The following CLDN14 variants were observed in gnomAD, a reference collection of about 807,000 sequenced individuals.
CLDN14 encodes claudin-14.
Under a neutral mutation model 2.1 loss-of-function variants are expected in CLDN14, and 2 were observed. The ratio of observed to expected loss-of-function variants is 0.96; its 90% CI spans 0.39 to 3.01. CLDN14 has a LOEUF of 3.01. Among genes scored for constraint, CLDN14 ranks in the 30% most tolerant of loss-of-function variants. The pLI is 0.09. For missense variants in CLDN14, 298 were observed against 328.0 expected (o/e 0.91, Z 0.71); for synonymous variants, 136 against 154.4 (o/e 0.88, Z 0.88).
At chr21:36,520,472 C>G (rs2087261433) in intron 1 of CLDN14, among the ~76,000 whole-genome samples, 1 of 152,174 alleles carries the variant, frequency 6.6e-6, no homozygotes, top group Admixed American at 6.5e-5. Context: ...AAATAAGTCT[C>G]AAAAGATCTG....
chr21:36,486,898 T>C, intron 2 of CLDN14: 1 of 655,132 alleles, frequency 1.5e-6, no homozygotes, highest in Non-Finnish European at 2.9e-6. Flanking sequence ...GCGGCCGGTG[T>C]CTAGAGTGAG....
chr21:36,472,656 G>GCA (rs2086724347), intron 1 of CLDN14, among the ~76,000 whole-genome samples: 1 of 152,178 alleles, frequency 6.6e-6, no homozygotes. Context: ...AAATACCACA[G>GCA]ACTTGCTGGA....
At chr21:36,540,596 G>A (rs533004189) in intron 1 of CLDN14, among the ~76,000 whole-genome samples, 198 of 152,242 alleles carry the variant, frequency 1.3e-3, no homozygotes, top group Non-Finnish European at 2.2e-3. Context: ...AGGACCAGGG[G>A]GGTTTGAGGA....
chr21:36,514,388 C>T (rs1477872840), intron 1 of CLDN14, among the ~76,000 whole-genome samples: 1 of 152,088 alleles, frequency 6.6e-6, no homozygotes, highest in Non-Finnish European at 1.5e-5. Context: ...GCCCCATGGC[C>T]GTGCTGTGGT....
chr21:36,491,932 T>C (rs2086969481), intron 2 of CLDN14, among the ~76,000 whole-genome samples: 2 of 152,154 alleles, frequency 1.3e-5, no homozygotes, highest in African/African-American at 4.8e-5. Flanking sequence ...GGTTGAATAG[T>C]GTCCCTGCAA....
At chr21:36,472,399 G>C (rs1401087149) in intron 1 of CLDN14, among the ~76,000 whole-genome samples, 1 of 152,240 alleles carries the variant, frequency 6.6e-6, no homozygotes, top group Non-Finnish European at 1.5e-5. Context: ...AGAGCTTGAA[G>C]AGGGTTGGAG....
In CLDN14 at chr21:36,531,692, G is replaced by GTT. The variant is rs11318014; in HGVS notation, c.-219-21194_-219-21193dup. Among the ~76,000 whole-genome samples, 9 of 128,592 alleles carry GTT rather than the reference G, an allele frequency of 7.0e-5. No individual in the cohort carries two copies. The South Asian group carries it at 1.0e-3, about 15-fold the overall frequency. The allele number at this position is 128,592 out of a possible 152,430, so 84.4% of individuals were successfully genotyped here. A position where few individuals can be genotyped will look rare whatever the true frequency, so the allele number is the denominator to read the frequency against. On this transcript the variant is annotated intron_variant, in intron 1 of 2. Coordinates refer to the CLDN14 transcript ENST00000342108. ...TCAGAGTGGACTTCAGTCTTTGTCT[G>GTT]TTTTTTTTTTTTTTTTAACTAAGGA...
chr21:36,525,931 A>G (rs1013424859), intron 1 of CLDN14, among the ~76,000 whole-genome samples: 2 of 152,130 alleles, frequency 1.3e-5, no homozygotes, highest in African/African-American at 4.8e-5. Flanking sequence ...CCTGCCCACA[A>G]AAAGCCTGGC....
At chr21:36,533,446 TCA>T (rs2087397405) in intron 1 of CLDN14, among the ~76,000 whole-genome samples, 2 of 152,344 alleles carry the variant, frequency 1.3e-5, no homozygotes, top group South Asian at 4.1e-4. Flanking sequence ...AATTGTGAAC[TCA>T]GTTTCTGTGT....
chr21:36,491,877 G>A, intron 2 of CLDN14, among the ~76,000 whole-genome samples: 1 of 152,168 alleles, frequency 6.6e-6, no homozygotes, highest in South Asian at 2.1e-4. Flanking sequence ...CACCACTGGA[G>A]TAAGAACAGT....
rs529797944 is a variant in CLDN14 at position 36,473,198 on chromosome 21, C to T, written c.-82+6297G>A. On this transcript the variant is annotated intron_variant, in intron 1 of 1. Transcript: ENST00000399135. ...TCTCAGGCTCAAGTGATCCTCCCACCTCAGCTTCCTGAGTAGCTGGGACTA... is the reference window on the plus strand; with the variant it reads ...TCTCAGGCTCAAGTGATCCTCCCACTTCAGCTTCCTGAGTAGCTGGGACTA... Among the ~76,000 whole-genome samples the T allele has an allele frequency of 2.0e-5, 3 of 152,268 alleles. No homozygotes were observed. The South Asian group carries it at 6.2e-4, about 32-fold the overall frequency.
rs139516886 is a variant in CLDN14 at position 36,463,337 on chromosome 21, T to G, written c.-81-1561A>C. On this transcript the variant is annotated intron_variant, in intron 1 of 1. Coordinates refer to ENST00000399135, the MANE Select transcript of CLDN14 (RefSeq NM_001146079.2). ...ACCTGCTTCTTCTTCTGCAGAGAGC[T>G]GAGCCTCAGTTAAGCAGTGCAGGCT... is the stretch of plus-strand genomic sequence containing the variant. 8.2e-3 allele frequency among the ~76,000 whole-genome samples: 1,249 copies of G among 152,348 alleles called. 13 individuals carry two copies. Among genetic ancestry groups the G allele is most frequent in the African/African-American group, 0.028 (1,164 of 41,584 alleles).
intron 1 of CLDN14, among the ~76,000 whole-genome samples, chr21:36,549,149 T>G (rs1480263327): frequency 6.6e-6 from 1 of 152,070 alleles, no homozygotes; most frequent in African/African-American, 2.4e-5. Context: ...GCTGGTGTTT[T>G]TTTTTTTTTT....
At chr21:36,509,237 C>G (rs1396889011) in intron 2 of CLDN14, among the ~76,000 whole-genome samples, 1 of 152,208 alleles carries the variant, frequency 6.6e-6, no homozygotes, top group Non-Finnish European at 1.5e-5. Context: ...GCTGTGAAGG[C>G]ACTTCCGGTG....
chr21:36,511,097 G>A (rs965753236), intron 1 of CLDN14, among the ~76,000 whole-genome samples: 1 of 152,224 alleles, frequency 6.6e-6, no homozygotes, highest in African/African-American at 2.4e-5. Flanking sequence ...CAAGATAAGG[G>A]AAGTGGCAGA....
chr21:36,524,077 A>G (rs2087302327), intron 1 of CLDN14, among the ~76,000 whole-genome samples: 1 of 151,674 alleles, frequency 6.6e-6, no homozygotes, highest in South Asian at 2.1e-4. Flanking sequence ...TATACCCATC[A>G]GCAGTGTGAG....
At position 36,538,640 on chromosome 21, in the gene CLDN14, G is replaced by A. The variant is rs547135145; in HGVS notation, c.-219-28140C>T. 4.4e-3 allele frequency among the ~76,000 whole-genome samples: 676 copies of A among 152,110 alleles called. 3 individuals are homozygous for A. Among genetic ancestry groups the A allele is most frequent in the African/African-American group, 0.015 (622 of 41,534 alleles). Reference sequence around the variant, plus strand: ...AGGAAAAAAAGAGAGAGAAAAAAAAGAAGAGACAGCATTTCAGAAGGAGTC... The same window carrying A: ...AGGAAAAAAAGAGAGAGAAAAAAAAAAAGAGACAGCATTTCAGAAGGAGTC... On this transcript the variant is annotated intron_variant, in intron 1 of 2. Transcript: ENST00000342108.
In CLDN14 at chr21:36,551,307, G is replaced by C. The variant is rs756615331; in HGVS notation, c.-220+25104C>G. Among the ~76,000 whole-genome samples the C allele has an allele frequency of 1.5e-4, 23 of 152,180 alleles. No homozygotes were observed. The highest frequency in any genetic ancestry group is 3.2e-4 in the Non-Finnish European group (22 of 68,040). ...GAGGGAGGACCCCAGTGAGATCTCC[G>C]AGCAGATGCACTGTTCCCTGCGGAC... On this transcript the variant is annotated intron_variant, in intron 1 of 2. Transcript: ENST00000342108. This position sits in a 1 kb window ranked among gnomAD's most constrained non-coding sequence, Gnocchi z 4.8.
At chr21:36,560,836 T>G (rs1443130474) in intron 1 of CLDN14, among the ~76,000 whole-genome samples, 1 of 152,060 alleles carries the variant, frequency 6.6e-6, no homozygotes, top group Non-Finnish European at 1.5e-5. Flanking sequence ...GAGAAAAAAG[T>G]GTATTATAAG....
Sources: gnomAD v4.1 joint callset for allele counts (sites outside exome capture counted in the v4.1 genomes callset) on GRCh38, gnomAD v4.1.1 for gene constraint, Gnocchi (gnomAD v3.1) non-coding constraint, MANE v1.5 for transcripts, NCBI Gene and HGNC (gene_info 2026-07-23, HGNC 2026-07-21) for gene names.